The following PPP1R12A variants were observed in gnomAD, a reference collection of about 807,000 sequenced individuals.
PPP1R12A encodes protein phosphatase 1 regulatory subunit 12A.
PPP1R12A carries 19 observed loss-of-function variants against 139.6 expected under a neutral mutation model. That is an observed-to-expected ratio of 0.14 (90% confidence interval 0.09 to 0.20). PPP1R12A has a LOEUF of 0.20. PPP1R12A is among the 10% of genes least tolerant of loss of function. PPP1R12A has a pLI of 1.00. For synonymous variants in PPP1R12A, 427 were observed against 420.6 expected (o/e 1.02, Z -0.19); for missense variants, 925 against 1,211.5 (o/e 0.76, Z 3.51).
At chr12:79,872,383 A>T (rs1364138014) in intron 2 of PPP1R12A, among the ~76,000 whole-genome samples, 3 of 152,168 alleles carry the variant, frequency 2.0e-5, no homozygotes, top group Non-Finnish European at 4.4e-5. Flanking sequence ...AAAAAAGACA[A>T]TCTTCAGAAA....
intron 21 of PPP1R12A, chr12:79,788,133 AACTGGG>A (rs1871348570): frequency 6.6e-6 from 1 of 152,386 alleles, no homozygotes; most frequent in African/African-American, 2.4e-5. Context: ...GCTGCCAGAT[AACTGGG>A]GACATGTACA....
chr12:79,789,545 T>A, intron 20 of PPP1R12A: 3 of 410,214 alleles, frequency 7.3e-6, no homozygotes, highest in Non-Finnish European at 9.5e-6. Flanking sequence ...GAAAAACATA[T>A]CTTACTGGTA....
chr12:79,778,641 T>G, intron 23 of PPP1R12A, 41 bp from the exon 24 acceptor site: 1 of 1,322,568 alleles, frequency 7.6e-7, no homozygotes, highest in Non-Finnish European at 1.0e-6. Flanking sequence ...ATATAATTAT[T>G]ATATTCTTAA....
chr12:79,881,362 G>C (rs1181328048), intron 1 of PPP1R12A, among the ~76,000 whole-genome samples: 1 of 152,172 alleles, frequency 6.6e-6, no homozygotes, highest in South Asian at 2.1e-4. Flanking sequence ...CACACAAATG[G>C]TAAGAAAGCA....
At chr12:79,932,751 TAAG>T (rs1487518418) in intron 1 of PPP1R12A, among the ~76,000 whole-genome samples, 2 of 152,178 alleles carry the variant, frequency 1.3e-5, no homozygotes, top group Non-Finnish European at 2.9e-5. Context: ...AAAAAGATCT[TAAG>T]AAGGCAGTTA....
At chr12:79,891,174 A>T (rs975196098) in intron 1 of PPP1R12A, among the ~76,000 whole-genome samples, 21 of 152,236 alleles carry the variant, frequency 1.4e-4, no homozygotes, top group Admixed American at 9.8e-4. Flanking sequence ...ATATGTTTTT[A>T]AAAAAATAAA....
At chr12:79,829,301 A>G (rs951413398) in intron 4 of PPP1R12A, among the ~76,000 whole-genome samples, 3 of 152,086 alleles carry the variant, frequency 2.0e-5, no homozygotes, top group African/African-American at 7.2e-5. Flanking sequence ...CCTTTACCTC[A>G]CTTTCCAAGA....
chr12:79,819,261 C>A (rs796731396), intron 8 of PPP1R12A: 7 of 152,148 alleles, frequency 4.6e-5, no homozygotes, highest in African/African-American at 1.7e-4. Flanking sequence ...GTCATATAGC[C>A]CGATTTTTCT....
intron 2 of PPP1R12A, among the ~76,000 whole-genome samples, chr12:79,846,791 T>C (rs1879466122): frequency 6.6e-6 from 1 of 152,066 alleles, no homozygotes; most frequent in South Asian, 2.1e-4. Context: ...GGAGAAAAGA[T>C]AATGTACAGC....
chr12:79,885,510 G>A (rs562044117), intron 1 of PPP1R12A, among the ~76,000 whole-genome samples: 4 of 152,098 alleles, frequency 2.6e-5, no homozygotes, highest in Admixed American at 1.3e-4. Flanking sequence ...GGTGGCAGGT[G>A]GCAGGTAAGA....
chr12:79,819,660 G>T (rs1478151545), intron 8 of PPP1R12A, among the ~76,000 whole-genome samples: 1 of 152,178 alleles, frequency 6.6e-6, no homozygotes. Flanking sequence ...TTAGGCTATA[G>T]GTTGAGCACA....
At chr12:79,889,795 A>G (rs1258934474) in intron 1 of PPP1R12A, among the ~76,000 whole-genome samples, 1 of 152,128 alleles carries the variant, frequency 6.6e-6, no homozygotes, top group Non-Finnish European at 1.5e-5. Flanking sequence ...TTTATTTCAT[A>G]ATTTTGGAGT....
chr12:79,799,247 C>A (rs1275487544), intron 14 of PPP1R12A, among the ~76,000 whole-genome samples: 2 of 152,062 alleles, frequency 1.3e-5, no homozygotes, highest in African/African-American at 4.8e-5. Context: ...CTCCCGGGTT[C>A]AAGTGATTCT....
At chr12:79,861,476 C>G (rs1383158028) in intron 2 of PPP1R12A, among the ~76,000 whole-genome samples, 1 of 152,164 alleles carries the variant, frequency 6.6e-6, no homozygotes, top group Non-Finnish European at 1.5e-5. Context: ...GTGGGTGCAG[C>G]CCGCAGAGGG....
Position 79,793,105 on chromosome 12 carries a change from C to T in PPP1R12A, c.2649+758G>A, listed in dbSNP as rs182220307. Among the ~76,000 whole-genome samples the T allele has an allele frequency of 2.2e-4, 33 of 152,190 alleles. No homozygotes were observed. In the East Asian group the frequency reaches 6.0e-3, roughly 28 times the overall value. ...AATGAAGAAAATAATATTAATATGA[C>T]CAGAATGCTATTTCATGCTAGACAG... On this transcript the variant is annotated intron_variant, in intron 19 of 24. Transcript: ENST00000450142.
chr12:79,868,196 C>T (rs1327732063), intron 2 of PPP1R12A, among the ~76,000 whole-genome samples: 1 of 152,156 alleles, frequency 6.6e-6, no homozygotes, highest in Non-Finnish European at 1.5e-5. Context: ...CACAGTAATT[C>T]AATTATAATT....
chr12:79,933,506 C>T (rs11114272), intron 1 of PPP1R12A, among the ~76,000 whole-genome samples: 1 of 152,172 alleles, frequency 6.6e-6, no homozygotes, highest in Non-Finnish European at 1.5e-5. Context: ...CTTCCACACA[C>T]AACCAAGGCA....
chr12:79,912,454 G>A (rs919306158), intron 1 of PPP1R12A, among the ~76,000 whole-genome samples: 1 of 152,080 alleles, frequency 6.6e-6, no homozygotes, highest in African/African-American at 2.4e-5. Context: ...CACTTTGGAA[G>A]GCCAAGGCGG....
intron 1 of PPP1R12A, among the ~76,000 whole-genome samples, chr12:79,898,175 C>A (rs1461216148): frequency 6.6e-6 from 1 of 152,188 alleles, no homozygotes; most frequent in Non-Finnish European, 1.5e-5. Context: ...GCTGGCCGGG[C>A]GCGGTGGCTC....
Sources: gnomAD v4.1 joint callset for allele counts (sites outside exome capture counted in the v4.1 genomes callset) on GRCh38, gnomAD v4.1.1 for gene constraint, MANE v1.5 for transcripts, NCBI Gene and HGNC (gene_info 2026-07-23, HGNC 2026-07-21) for gene names.